Variants in PRKCE observed in about 807,000 individuals in gnomAD.
PRKCE encodes the protein protein kinase C epsilon type.
PRKCE carries 16 observed loss-of-function variants against 85.4 expected under a neutral mutation model. The ratio of observed to expected loss-of-function variants is 0.19; its 90% CI spans 0.13 to 0.28. PRKCE has a LOEUF of 0.28. PRKCE is among the 10% of genes least tolerant of loss of function. The pLI is 1.00. For synonymous variants in PRKCE, 388 were observed against 371.5 expected (o/e 1.04, Z -0.51); for missense variants, 573 against 975.2 (o/e 0.59, Z 5.49).
intron 11 of PRKCE, among the ~76,000 whole-genome samples, chr2:46,093,598 A>G (rs1203313436): frequency 6.6e-6 from 1 of 150,570 alleles, no homozygotes; most frequent in Admixed American, 6.6e-5. Context: ...TTACAATGAT[A>G]GCTCACTGCA....
At chr2:45,707,507 G>A (rs1263374679) in intron 1 of PRKCE, among the ~76,000 whole-genome samples, 1 of 152,198 alleles carries the variant, frequency 6.6e-6, no homozygotes, top group African/African-American at 2.4e-5. Context: ...AGGCACAAAG[G>A]ATTTGTCACT....
intron 1 of PRKCE, among the ~76,000 whole-genome samples, chr2:45,705,947 TA>T (rs995669725): frequency 3.3e-5 from 5 of 152,204 alleles, no homozygotes; most frequent in Non-Finnish European, 4.4e-5. Context: ...TCAGTTGCTT[TA>T]AGTTAGATAT....
intron 11 of PRKCE, among the ~76,000 whole-genome samples, chr2:46,135,116 A>G (rs1198021423): frequency 6.6e-6 from 1 of 152,142 alleles, no homozygotes; most frequent in Non-Finnish European, 1.5e-5. Context: ...GTTGTTTGAC[A>G]CCTCAGGCTT....
intron 2 of PRKCE, among the ~76,000 whole-genome samples, chr2:45,965,081 C>T (rs1701644327): frequency 6.6e-6 from 1 of 152,196 alleles, no homozygotes; most frequent in East Asian, 1.9e-4. Flanking sequence ...CAATCTCAAA[C>T]CTCTCCTCTC....
At chr2:45,871,545 CTT>C (rs1401136840) in intron 2 of PRKCE, among the ~76,000 whole-genome samples, 1 of 152,204 alleles carries the variant, frequency 6.6e-6, no homozygotes, top group African/African-American at 2.4e-5. Flanking sequence ...AGAGCTGTCT[CTT>C]TTCTTTTTCC....
In PRKCE at chr2:45,690,908, C is replaced by T. The variant is rs75660878; in HGVS notation, c.348+38460C>T. Among the ~76,000 whole-genome samples, 563 of 152,348 alleles carry T rather than the reference C, an allele frequency of 3.7e-3. 5 individuals are homozygous for T. Among genetic ancestry groups the T allele is most frequent in the African/African-American group, 0.013 (533 of 41,584 alleles). On this transcript the variant is annotated intron_variant, in intron 1 of 14. Coordinates refer to ENST00000306156, the MANE Select transcript of PRKCE (RefSeq NM_005400.3). ...ATGCTGGCTTACTCTGAAGCAGATA[C>T]AGCACATACCTTAGGGTGCCAGCAA...
chr2:46,079,263 G>A (rs2084428), intron 10 of PRKCE, among the ~76,000 whole-genome samples: 46,452 of 151,748 alleles, frequency 0.31, 8,086 homozygotes, highest in African/African-American at 0.45. Context: ...CTGGATGAGC[G>A]ATGATTATTC....
intron 10 of PRKCE, among the ~76,000 whole-genome samples, chr2:46,033,515 T>G (rs922367391): frequency 6.6e-6 from 1 of 152,174 alleles, no homozygotes; most frequent in Non-Finnish European, 1.5e-5. Flanking sequence ...ACAGATTCAA[T>G]AGGGCTTGGG....
chr2:46,098,620 T>G (rs553927173), intron 11 of PRKCE, among the ~76,000 whole-genome samples: 2 of 152,138 alleles, frequency 1.3e-5, no homozygotes, highest in African/African-American at 2.4e-5. Flanking sequence ...TAGGGGAATT[T>G]GACATCAATA....
intron 10 of PRKCE, among the ~76,000 whole-genome samples, chr2:46,049,499 G>A (rs1708728141): frequency 6.6e-6 from 1 of 152,214 alleles, no homozygotes; most frequent in African/African-American, 2.4e-5. Context: ...TTAACTGTGA[G>A]CCTAGACTGG....
At chr2:45,698,998 T>G (rs886486230) in intron 1 of PRKCE, among the ~76,000 whole-genome samples, 4 of 152,210 alleles carry the variant, frequency 2.6e-5, no homozygotes, top group African/African-American at 9.7e-5. Context: ...GTTTTAAGAC[T>G]CTTTATAAAC....
chr2:46,097,799 A>G (rs546500412), intron 11 of PRKCE, among the ~76,000 whole-genome samples: 1 of 152,312 alleles, frequency 6.6e-6, no homozygotes, highest in South Asian at 2.1e-4. Context: ...TATGGGTCCA[A>G]ATCTACTTGA....
chr2:45,710,876 CT>C (rs1431097061), intron 1 of PRKCE, among the ~76,000 whole-genome samples: 1 of 152,242 alleles, frequency 6.6e-6, no homozygotes. Flanking sequence ...CACAACCTGA[CT>C]TGTCTAGAGG....
chr2:46,031,384 A>G (rs1317897543), intron 10 of PRKCE, among the ~76,000 whole-genome samples: 1 of 152,000 alleles, frequency 6.6e-6, no homozygotes, highest in Non-Finnish European at 1.5e-5. Context: ...CTGACCTCCC[A>G]CTGATCATCT....
Position 45,758,857 on chromosome 2 carries a change from G to A in PRKCE, c.349-84143G>A, listed in dbSNP as rs1573230822. ...GGGGTGAATCACCTAGCGTCTTCAGGCCTCAGCCTCCTCACCTGTAAAGTG... is the reference window on the plus strand; with the variant it reads ...GGGGTGAATCACCTAGCGTCTTCAGACCTCAGCCTCCTCACCTGTAAAGTG... On this transcript the variant is annotated intron_variant, in intron 1 of 14. Coordinates refer to ENST00000306156, the MANE Select transcript of PRKCE (RefSeq NM_005400.3). Among the ~76,000 whole-genome samples, 3 of 152,270 alleles carry A rather than the reference G, an allele frequency of 2.0e-5. No homozygotes were observed. The South Asian group carries it at 6.2e-4, about 32-fold the overall frequency.
chr2:46,119,476 A>C (rs1424673566), intron 11 of PRKCE, among the ~76,000 whole-genome samples: 1 of 152,162 alleles, frequency 6.6e-6, no homozygotes, highest in African/African-American at 2.4e-5. Context: ...AATACATACA[A>C]ATGGTTCTAA....
chr2:45,767,441 T>C (rs911462241), intron 1 of PRKCE, among the ~76,000 whole-genome samples: 1 of 152,216 alleles, frequency 6.6e-6, no homozygotes, highest in Non-Finnish European at 1.5e-5. Context: ...GTCTTGGCCT[T>C]CCTGCCTCTT....
At chr2:46,102,878 A>G (rs1671370632) in intron 11 of PRKCE, among the ~76,000 whole-genome samples, 1 of 152,212 alleles carries the variant, frequency 6.6e-6, no homozygotes, top group African/African-American at 2.4e-5. Context: ...TCAATAGTCA[A>G]TATCAAATGT....
chr2:46,067,074 T>C (rs894747337), intron 10 of PRKCE, among the ~76,000 whole-genome samples: 4 of 152,212 alleles, frequency 2.6e-5, no homozygotes, highest in Admixed American at 6.5e-5. Context: ...AACCAGCACA[T>C]TTGCTAAATA....
Sources: gnomAD v4.1 joint callset for allele counts (sites outside exome capture counted in the v4.1 genomes callset) on GRCh38, gnomAD v4.1.1 for gene constraint, MANE v1.5 for transcripts, NCBI Gene and HGNC (gene_info 2026-07-23, HGNC 2026-07-21) for gene names.